KCNQ1: variants seen among roughly 807,000 people sequenced by gnomAD.
KCNQ1 encodes the protein potassium voltage-gated channel subfamily KQT member 1.
Under a neutral mutation model 72.4 loss-of-function variants are expected in KCNQ1, and 49 were observed. The observed-to-expected ratio is 0.68, with a 90% CI of 0.54 to 0.86. The LOEUF (loss-of-function observed/expected upper bound fraction) is 0.86, where lower values mean the gene tolerates loss of function less well. Ranked by LOEUF, KCNQ1 falls within the 40% of genes least tolerant of loss-of-function variation. KCNQ1 has a pLI of 0.00. For synonymous variants in KCNQ1, 450 were observed against 412.6 expected (o/e 1.09, Z -1.10); for missense variants, 790 against 945.1 (o/e 0.84, Z 2.15).
chr11:2,531,468 C>T (rs1847629319), intron 2 of KCNQ1, among the ~76,000 whole-genome samples: 1 of 152,176 alleles, frequency 6.6e-6, no homozygotes, highest in South Asian at 2.1e-4. Context: ...AGACCCTACA[C>T]AGTGCTGAGC....
intron 2 of KCNQ1, among the ~76,000 whole-genome samples, chr11:2,552,223 T>G (rs551122416): frequency 1.3e-5 from 2 of 152,234 alleles, no homozygotes; most frequent in East Asian, 1.9e-4. Flanking sequence ...AGAAATTTTA[T>G]AGTTTCACAT....
At chr11:2,460,523 G>A (rs529013782) in intron 1 of KCNQ1, among the ~76,000 whole-genome samples, 15 of 121,506 alleles carry the variant, frequency 1.2e-4, no homozygotes, top group Non-Finnish European at 2.4e-4. Flanking sequence ...CTTTTTTCCT[G>A]TGGCTCCAAG....
chr11:2,674,531 C>T lies in KCNQ1; in HGVS notation c.1514+12450C>T, dbSNP rs985965191. 9 of 398,550 alleles carry T rather than the reference C, an allele frequency of 2.3e-5. No homozygotes were observed. The highest frequency in any genetic ancestry group is 1.3e-4 in the South Asian group (1 of 7,856). 24.7% of individuals were successfully genotyped at this position (398,550 alleles called of 1,614,324 possible). On this transcript the variant is annotated intron_variant, in intron 11 of 15. Coordinates refer to ENST00000155840, the MANE Select transcript of KCNQ1 (RefSeq NM_000218.3). This position sits in a 1 kb window ranked among gnomAD's most constrained non-coding sequence, Gnocchi z 5.9. ...CTAGATGGCACTTGCAAAGCCCATT[C>T]GGAGGATTTAGACAAATACCTCGAG...
At chr11:2,744,803 G>A (rs185130788) in intron 11 of KCNQ1, among the ~76,000 whole-genome samples, 41 of 152,238 alleles carry the variant, frequency 2.7e-4, no homozygotes, top group East Asian at 1.2e-3. Flanking sequence ...CAGGCCTGTC[G>A]TCGTGTCCAG....
At position 2,566,411 on chromosome 11, in the gene KCNQ1, G is replaced by A. The variant is rs1446636538; in HGVS notation, c.478-4217G>A. Among the ~76,000 whole-genome samples the A allele has an allele frequency of 2.0e-5, 3 of 152,274 alleles. No homozygotes were observed. Among genetic ancestry groups the A allele is most frequent in the East Asian group, 1.9e-4 (1 of 5,160 alleles). ...GGGCGGGGCTCTCTCTGCCATGGAC[G>A]CCAGTCTTCCCTCCCCTAAGCTGCG... On this transcript the variant is annotated intron_variant, in intron 2 of 15. Coordinates refer to ENST00000155840, the MANE Select transcript of KCNQ1 (RefSeq NM_000218.3). The surrounding 1 kb of genome is among the most constrained non-coding windows in gnomAD (Gnocchi z 6.7).
intron 15 of KCNQ1, among the ~76,000 whole-genome samples, chr11:2,780,485 C>T (rs1846804105): frequency 6.6e-6 from 1 of 152,224 alleles, no homozygotes; most frequent in Non-Finnish European, 1.5e-5. Context: ...GAGCCCCTGG[C>T]CTTCCCTACC....
At position 2,698,797 on chromosome 11, in the gene KCNQ1, A is replaced by G. The variant is rs568466056; in HGVS notation, c.1514+36716A>G. 18 of 397,952 alleles carry G rather than the reference A, an allele frequency of 4.5e-5. No homozygotes were observed. In the South Asian group the frequency reaches 1.4e-3, roughly 31 times the overall value. 24.7% of individuals were successfully genotyped at this position (397,952 alleles called of 1,614,324 possible). On this transcript the variant is annotated intron_variant, in intron 11 of 15. Coordinates refer to ENST00000155840, the MANE Select transcript of KCNQ1 (RefSeq NM_000218.3). The surrounding 1 kb of genome is among the most constrained non-coding windows in gnomAD (Gnocchi z 5.1). ...ACCGGGATTCAGGTCCCCAACTCAGACTCCCGATCCTCTGTCCCTAATGAG... is the reference window on the plus strand; with the variant it reads ...ACCGGGATTCAGGTCCCCAACTCAGGCTCCCGATCCTCTGTCCCTAATGAG...
intron 10 of KCNQ1, chr11:2,610,573 T>C: frequency 2.5e-6 from 1 of 398,492 alleles, no homozygotes; most frequent in Non-Finnish European, 4.4e-6. Context: ...TGGGAGCACT[T>C]CCTTTTTGCC....
rs942334302 is a variant in KCNQ1 at position 2,677,555 on chromosome 11, T to C, written c.1514+15474T>C. 3 of 398,624 alleles carry C rather than the reference T, an allele frequency of 7.5e-6. No homozygotes were observed. Among genetic ancestry groups the C allele is most frequent in the Middle Eastern group, 1.3e-3 (2 of 1,588 alleles). The allele number at this position is 398,624 out of a possible 1,614,324, so 24.7% of individuals were successfully genotyped here. On this transcript the variant is annotated intron_variant, in intron 11 of 15. Coordinates refer to ENST00000155840, the MANE Select transcript of KCNQ1 (RefSeq NM_000218.3). This position sits in a 1 kb window ranked among gnomAD's most constrained non-coding sequence, Gnocchi z 4.5. ...GCCAAGTATAAAAGATGCCCTCAGA[T>C]GTTACCATATAATGCTTTACAAAAG...
At position 2,605,903 on chromosome 11, in the gene KCNQ1, G is replaced by A. The variant is rs373104340; in HGVS notation, c.1393+17049G>A. ...CATCTTAACAATATTAAGTCTTCCA[G>A]TCTATGAGCATGTAATGTCTGTCCA... On this transcript the variant is annotated intron_variant, in intron 10 of 15. Transcript: ENST00000155840. Among the ~76,000 whole-genome samples the A allele has an allele frequency of 8.5e-5, 13 of 152,234 alleles. No homozygotes were observed. In the East Asian group the frequency reaches 2.1e-3, roughly 25 times the overall value.
chr11:2,668,569 T>G lies in KCNQ1; in HGVS notation c.1514+6488T>G, dbSNP rs1850124815. 2.5e-6 allele frequency: 1 copy of G among 398,676 alleles called. No homozygotes were observed. Among genetic ancestry groups the G allele is most frequent in the East Asian group, 3.6e-5 (1 of 28,084 alleles). 24.7% of individuals were successfully genotyped at this position (398,676 alleles called of 1,614,324 possible). Reference sequence around the variant, plus strand: ...AATGAAGTTGAGTCCCTTTCCATGTTATCATTTAGTCAGATACATCATTCT... The same window carrying G: ...AATGAAGTTGAGTCCCTTTCCATGTGATCATTTAGTCAGATACATCATTCT... On this transcript the variant is annotated intron_variant, in intron 11 of 15. Transcript: ENST00000155840. This position sits in a 1 kb window ranked among gnomAD's most constrained non-coding sequence, Gnocchi z 4.3.
rs535051911 is a variant in KCNQ1, at chr11:2,735,650, A to G, written c.1515-33194A>G. ...ACTCCGCTGTCACCACCAAGACCAC[A>G]GTGGGGCAGTTTAAACAGCAGGCAT... On this transcript the variant is annotated intron_variant, in intron 11 of 15. Transcript: ENST00000155840. This position sits in a 1 kb window ranked among gnomAD's most constrained non-coding sequence, Gnocchi z 7.7. Among the ~76,000 whole-genome samples the G allele has an allele frequency of 2.6e-5, 4 of 152,000 alleles. No individual in the cohort carries two copies. The South Asian group carries it at 8.4e-4, about 32-fold the overall frequency.
At chr11:2,501,718 C>CAAAAAAA (rs55865890) in intron 1 of KCNQ1, among the ~76,000 whole-genome samples, 14 of 68,904 alleles carry the variant, frequency 2.0e-4, no homozygotes, top group Non-Finnish European at 2.9e-4. Flanking sequence ...AAAGATACAT[C>CAAAAAAA]AAAAAAAAAA....
chr11:2,539,816 C>T (rs948790699), intron 2 of KCNQ1, among the ~76,000 whole-genome samples: 1 of 152,214 alleles, frequency 6.6e-6, no homozygotes, highest in Non-Finnish European at 1.5e-5. Context: ...TATGTTCTGC[C>T]TGAGGGCTGG....
In KCNQ1 at chr11:2,583,552, G is replaced by A. The variant is rs760839693; in HGVS notation, c.1032+7G>A. On this transcript the variant is annotated splice_region_variant and intron_variant, in intron 7 of 15. Transcript: ENST00000155840. ...CTTCTTTGCGCTCCCAGCGGTAGGT[G>A]CCCCGTGGGTGCGTTTTCCCTGGCT... is the stretch of plus-strand genomic sequence containing the variant. 1.3e-6 allele frequency: 2 copies of A among 1,598,414 alleles called. No homozygotes were observed. The highest frequency in any genetic ancestry group is 1.7e-6 in the Non-Finnish European group (2 of 1,165,788).
chr11:2,470,295 C>A (rs1468928096), intron 1 of KCNQ1, among the ~76,000 whole-genome samples: 1 of 152,054 alleles, frequency 6.6e-6, no homozygotes, highest in South Asian at 2.1e-4. Flanking sequence ...CAAAGAGGTG[C>A]GTAGGAGGTT....
chr11:2,564,763 G>A lies in KCNQ1; in HGVS notation c.478-5865G>A, dbSNP rs1380039414. On this transcript the variant is annotated intron_variant, in intron 2 of 15. Coordinates refer to ENST00000155840, the MANE Select transcript of KCNQ1 (RefSeq NM_000218.3). This position sits in a 1 kb window ranked among gnomAD's most constrained non-coding sequence, Gnocchi z 4.5. ...CCCTACTCCCCCTTCCCCAGCCCCT[G>A]GCGCCCATCATCTACTTTCTACCTC... 6.6e-6 allele frequency among the ~76,000 whole-genome samples: 1 copy of A among 152,086 alleles called. No homozygotes were observed. Among genetic ancestry groups the A allele is most frequent in the Non-Finnish European group, 1.5e-5 (1 of 68,024 alleles).
At chr11:2,798,152 G>T (rs1166257877) in intron 15 of KCNQ1, among the ~76,000 whole-genome samples, 1 of 152,188 alleles carries the variant, frequency 6.6e-6, no homozygotes, top group East Asian at 1.9e-4. Context: ...CCAGGCCCAA[G>T]CAAGCCTGCA....
chr11:2,587,039 C>T (rs1391622458), intron 8 of KCNQ1, among the ~76,000 whole-genome samples: 1 of 152,160 alleles, frequency 6.6e-6, no homozygotes, highest in Non-Finnish European at 1.5e-5. Flanking sequence ...CAGAGGCTCC[C>T]CCAACTGCAA....
Sources: allele counts gnomAD v4.1 joint callset (sites outside exome capture counted in the v4.1 genomes callset), GRCh38; gene constraint gnomAD v4.1.1; non-coding constraint Gnocchi (gnomAD v3.1); transcripts MANE v1.5; gene names NCBI Gene and HGNC (gene_info 2026-07-23, HGNC 2026-07-21).